Variants in DGKZ observed in about 807,000 individuals in gnomAD.
DGKZ encodes the protein diacylglycerol kinase zeta, also known as DAG kinase zeta.
Under a neutral mutation model 142.5 loss-of-function variants are expected in DGKZ, and 45 were observed. The ratio of observed to expected loss-of-function variants is 0.32; its 90% CI spans 0.25 to 0.40. DGKZ has a LOEUF of 0.40. Ranked by LOEUF, DGKZ falls within the 10% of genes least tolerant of loss-of-function variation. DGKZ has a pLI of 1.00. For missense variants in DGKZ, 755 were observed against 1,306.5 expected, an observed-to-expected ratio of 0.58 and a Z score of 6.51; for synonymous variants, 442 against 527.0, an observed-to-expected ratio of 0.84 and a Z score of 2.21.
intron 27 of DGKZ, chr11:46,378,747 G>A (rs1944856729): frequency 3.5e-6 from 3 of 850,312 alleles, no homozygotes; most frequent in Non-Finnish European, 1.9e-6. Context: ...AAAGGAGCAG[G>A]TCAGAGGAAG....
At chr11:46,360,743 G>A (rs1020510885) in intron 1 of DGKZ, among the ~76,000 whole-genome samples, 8 of 152,088 alleles carry the variant, frequency 5.3e-5, no homozygotes, top group Admixed American at 2.0e-4. Context: ...CTGAGATCAC[G>A]CCATTGCACT....
At chr11:46,345,040 G>A (rs551907180), upstream of DGKZ, among the ~76,000 whole-genome samples, 9 of 152,300 alleles carry the variant, frequency 5.9e-5, no homozygotes, top group South Asian at 2.1e-4. This position sits in a 1 kb window ranked among gnomAD's most constrained non-coding sequence, Gnocchi z 4.1. Flanking sequence ...GGAAGAGAGC[G>A]CTCTTTGAGG....
chr11:46,355,312 G>A (rs1016547108), intron 1 of DGKZ, among the ~76,000 whole-genome samples: 3 of 152,024 alleles, frequency 2.0e-5, no homozygotes, highest in African/African-American at 7.2e-5. Context: ...GTTTCGCCAT[G>A]TTAGCCAGGA....
At chr11:46,379,288 C>T in intron 29 of DGKZ, 52 bp downstream of exon 29, 3 of 1,607,358 alleles carry the variant, frequency 1.9e-6, no homozygotes, top group Non-Finnish European at 2.5e-6. Flanking sequence ...CCACCCTTTT[C>T]CCCACCCCTC....
chr11:46,359,141 A>G (rs1942351991), intron 1 of DGKZ, among the ~76,000 whole-genome samples: 1 of 149,732 alleles, frequency 6.7e-6, no homozygotes, highest in African/African-American at 2.5e-5. Flanking sequence ...CTGTATCTCA[A>G]AAAAAAAATA....
At chr11:46,343,293 T>C (rs767538038), upstream of DGKZ, among the ~76,000 whole-genome samples, 12 of 152,224 alleles carry the variant, frequency 7.9e-5, no homozygotes, top group Non-Finnish European at 1.5e-4. Flanking sequence ...TAATTATTAA[T>C]TGCATAGCAT....
At chr11:46,378,667 C>CT (rs1352591238) in intron 27 of DGKZ, 167 bp downstream of exon 27, 1 of 987,674 alleles carries the variant, frequency 1.0e-6, no homozygotes, top group East Asian at 2.6e-5. Flanking sequence ...CACTGTATCT[C>CT]TGTCTAGGCC....
At position 46,370,039 on chromosome 11, in the gene DGKZ, C is replaced by G. The variant is rs150211254; in HGVS notation, c.570+30C>G. On this transcript the variant is annotated intron_variant, in intron 6 of 30. Transcript: ENST00000527911. ...GAGGCCCTGCCCGAGGACATCGCCA[C>G]CTGCACCTGCGGTCCTGAGCCCAGG... 1,846 of 1,613,004 alleles carry G rather than the reference C, an allele frequency of 1.1e-3. 27 individuals carry two copies. In the African/African-American group the frequency reaches 0.022, roughly 19 times the overall value.
At chr11:46,364,181 G>A (rs1943003198) in intron 1 of DGKZ, among the ~76,000 whole-genome samples, 1 of 152,244 alleles carries the variant, frequency 6.6e-6, no homozygotes, top group Admixed American at 6.5e-5. Flanking sequence ...CGCAGGCTTT[G>A]CCGTTAGGTA....
At chr11:46,369,638 CT>C in intron 5 of DGKZ, 88 bp downstream of exon 5, 3 of 1,523,142 alleles carry the variant, frequency 2.0e-6, no homozygotes, top group Non-Finnish European at 2.7e-6. Flanking sequence ...CACCAGGGGG[CT>C]CGGCTCCCTC....
At chr11:46,371,807 G>T in intron 9 of DGKZ, 32 bp downstream of exon 9, 3 of 1,600,874 alleles carry the variant, frequency 1.9e-6, no homozygotes, top group Non-Finnish European at 2.6e-6. Context: ...GGCTGCAGGG[G>T]AGCAGGAGAG....
intron 1 of DGKZ, among the ~76,000 whole-genome samples, chr11:46,337,062 C>T (rs1940050525): frequency 6.6e-6 from 1 of 152,054 alleles, no homozygotes; most frequent in Non-Finnish European, 1.5e-5. Flanking sequence ...TGAGATCTTG[C>T]ATCTCCATCT....
At chr11:46,376,397 G>A (rs115823062) in exon 23 of DGKZ, 18 of 1,613,952 alleles carry the variant, frequency 1.1e-5, no homozygotes, top group South Asian at 5.5e-5. Flanking sequence ...CTTCCTGGAC[G>A]GTGAGTCTAC....
chr11:46,379,359 C>T (rs1261034845), intron 29 of DGKZ, 110 bp from the exon 30 acceptor site: 21 of 1,562,856 alleles, frequency 1.3e-5, no homozygotes, highest in Admixed American at 1.7e-5. Context: ...CCTGGGCCAC[C>T]CCTATTGCCC....
At chr11:46,338,096 G>A (rs1192061303) in intron 1 of DGKZ, among the ~76,000 whole-genome samples, 1 of 152,222 alleles carries the variant, frequency 6.6e-6, no homozygotes. Context: ...GTGAAGAAGC[G>A]CCAGGGTTCT....
chr11:46,366,222 T>A (rs1219711112), intron 1 of DGKZ: 1 of 1,536,052 alleles, frequency 6.5e-7, no homozygotes, highest in East Asian at 2.3e-5. Flanking sequence ...CTCCTGATGC[T>A]CCCGGTCTCT....
In DGKZ at chr11:46,375,841, T is replaced by C; in HGVS notation, c.1911-10T>C. The stretch of plus-strand genomic sequence containing the variant: ...TTGCTGAGCCCCCGCTTGCCGGCCC[T>C]GCCCGACAGCCAGCAGCCGGTGCCA... On this transcript the variant is annotated splice_polypyrimidine_tract_variant and intron_variant, in intron 20 of 30. Transcript: ENST00000527911. 1.3e-6 allele frequency: 2 copies of C among 1,553,604 alleles called. No individual in the cohort carries two copies. Among genetic ancestry groups the C allele is most frequent in the African/African-American group, 2.7e-5 (2 of 73,380 alleles).
intron 1 of DGKZ, among the ~76,000 whole-genome samples, chr11:46,354,754 C>G (rs1420118666): frequency 1.3e-5 from 2 of 152,234 alleles, no homozygotes; most frequent in Non-Finnish European, 2.9e-5. Context: ...TGCCTAGCAA[C>G]ATACAGTGCT....
intron 1 of DGKZ, among the ~76,000 whole-genome samples, chr11:46,350,924 C>T (rs1941304218): frequency 6.6e-6 from 1 of 151,414 alleles, no homozygotes; most frequent in South Asian, 2.1e-4. Context: ...ACCCCAACTG[C>T]ATCCCACCTT....
Sources: gnomAD v4.1 joint callset for allele counts (sites outside exome capture counted in the v4.1 genomes callset) on GRCh38, gnomAD v4.1.1 for gene constraint, Gnocchi (gnomAD v3.1) non-coding constraint, MANE v1.5 for transcripts, NCBI Gene and HGNC (gene_info 2026-07-23, HGNC 2026-07-21) for gene names.